Variants in RGS7 observed in about 807,000 individuals in gnomAD.
RGS7 encodes the protein regulator of G protein signaling 7.
Under a neutral mutation model 81.1 loss-of-function variants are expected in RGS7, and 27 were observed. The ratio of observed to expected loss-of-function variants is 0.33; its 90% CI spans 0.25 to 0.46. The LOEUF (loss-of-function observed/expected upper bound fraction) is 0.46. Among genes scored for constraint, RGS7 ranks in the 20% least tolerant of loss-of-function variants. RGS7 has a pLI of 1.00. For synonymous variants in RGS7, 208 were observed against 207.7 expected, an observed-to-expected ratio of 1.00 and a Z score of -0.01; for missense variants, 396 against 607.4, an observed-to-expected ratio of 0.65 and a Z score of 3.66.
rs142299677 is a variant in RGS7 at position 241,308,746 on chromosome 1, G to A, written c.78+46953C>T. On this transcript the variant is annotated intron_variant, in intron 2 of 18. Coordinates refer to ENST00000440928, the MANE Select transcript of RGS7 (RefSeq NM_001364886.1). ...ACTTACAGTGAGTCTACTGTGCGGG[G>A]GGCCCTCTTAGCTTAATATACACAG... Among the ~76,000 whole-genome samples the A allele has an allele frequency of 1.6e-4, 25 of 152,220 alleles. No homozygotes were observed. In the East Asian group the frequency reaches 4.8e-3, roughly 29 times the overall value.
chr1:240,827,015 T>A, intron 10 of RGS7, 83 bp downstream of exon 10: 1 of 1,099,206 alleles, frequency 9.1e-7, no homozygotes, highest in Admixed American at 1.7e-5. Context: ...CTGCATGACA[T>A]GAGAAGAAAG....
intron 2 of RGS7, among the ~76,000 whole-genome samples, chr1:241,178,438 G>A (rs2071340277): frequency 6.6e-6 from 1 of 152,184 alleles, no homozygotes; most frequent in African/African-American, 2.4e-5. Flanking sequence ...ATCACTCAGG[G>A]AGAGATTAAA....
At chr1:241,142,433 CT>C (rs2067995658) in intron 2 of RGS7, among the ~76,000 whole-genome samples, 1 of 152,238 alleles carries the variant, frequency 6.6e-6, no homozygotes, top group African/African-American at 2.4e-5. Context: ...CATACATCTT[CT>C]GAAATCCACG....
At chr1:240,977,091 TACACACACACACACACACACACAC>T (rs60732630) in intron 4 of RGS7, among the ~76,000 whole-genome samples, 9 of 133,814 alleles carry the variant, frequency 6.7e-5, no homozygotes, top group East Asian at 2.2e-4. Context: ...TATCCATCTG[TACACACACACACACACACACACAC>T]ACACACACAC....
intron 3 of RGS7, among the ~76,000 whole-genome samples, chr1:240,990,422 G>A (rs1003656989): frequency 1.6e-4 from 24 of 152,122 alleles, no homozygotes; most frequent in Admixed American, 1.3e-4. Context: ...TTATAGTCCC[G>A]TAAAGCAGAG....
intron 2 of RGS7, among the ~76,000 whole-genome samples, chr1:241,220,310 C>T (rs2074817886): frequency 6.6e-6 from 1 of 152,144 alleles, no homozygotes; most frequent in South Asian, 2.1e-4. Context: ...TAATTATTAG[C>T]CCTGGTTGCA....
In RGS7 at chr1:240,868,117, G is replaced by GGAAA. The variant is rs71172654; in HGVS notation, c.609+466_609+469dup. Among the ~76,000 whole-genome samples the GGAAA allele has an allele frequency of 0.08, 9,766 of 122,340 alleles. 389 individuals carry two copies. Among genetic ancestry groups the GGAAA allele is most frequent in the East Asian group, 0.11 (513 of 4,478 alleles). The allele number at this position is 122,340 out of a possible 152,430, so 80.3% of individuals were successfully genotyped here. A position where few individuals can be genotyped will look rare whatever the true frequency, so the allele number is the denominator to read the frequency against. On this transcript the variant is annotated intron_variant, in intron 9 of 18. Coordinates refer to ENST00000440928, the MANE Select transcript of RGS7 (RefSeq NM_001364886.1). This position sits in a 1 kb window ranked among gnomAD's most constrained non-coding sequence, Gnocchi z 5.1. ...GAAAAGAAAAAGAAAGAAAAGAAAA[G>GGAAA]GAAAGAAAGAAAGAAAGAAAGAAAG...
intron 2 of RGS7, among the ~76,000 whole-genome samples, chr1:241,329,073 T>C (rs896477167): frequency 1.3e-5 from 2 of 152,204 alleles, no homozygotes; most frequent in African/African-American, 2.4e-5. Flanking sequence ...ATGCACTTGG[T>C]AGGTTTCCAT....
At chr1:240,875,381 G>A (rs1665221038) in intron 6 of RGS7, among the ~76,000 whole-genome samples, 1 of 152,180 alleles carries the variant, frequency 6.6e-6, no homozygotes, top group Non-Finnish European at 1.5e-5. Flanking sequence ...TTTAAAGGCT[G>A]AATAGTATTT....
intron 2 of RGS7, among the ~76,000 whole-genome samples, chr1:241,351,879 G>A (rs1431156690): frequency 6.6e-6 from 1 of 152,162 alleles, no homozygotes; most frequent in East Asian, 1.9e-4. Context: ...AATGATAGCT[G>A]CAATAATATC....
chr1:241,224,135 T>C (rs994323845), intron 2 of RGS7, among the ~76,000 whole-genome samples: 3 of 152,086 alleles, frequency 2.0e-5, no homozygotes, highest in Non-Finnish European at 2.9e-5. Flanking sequence ...CTGGGGTACA[T>C]GTGCAGAACA....
At chr1:241,330,522 C>G (rs998767409) in intron 2 of RGS7, among the ~76,000 whole-genome samples, 10 of 152,184 alleles carry the variant, frequency 6.6e-5, no homozygotes, top group African/African-American at 2.2e-4. Flanking sequence ...CCTTTGACTG[C>G]AAGCTCAGTG....
chr1:241,237,605 T>A lies in RGS7; in HGVS notation c.78+118094A>T, dbSNP rs534061442. 1.4e-4 allele frequency among the ~76,000 whole-genome samples: 21 copies of A among 152,328 alleles called. No homozygotes were observed. The South Asian group carries it at 4.4e-3, about 32-fold the overall frequency. ...GTAAAAGTTTTACTGAAGGACTTAA[T>A]TTTTAAAATTAAGCCATTTAATTTA... On this transcript the variant is annotated intron_variant, in intron 2 of 18. Coordinates refer to ENST00000440928, the MANE Select transcript of RGS7 (RefSeq NM_001364886.1).
At chr1:240,943,941 T>A (rs1050076889) in intron 4 of RGS7, among the ~76,000 whole-genome samples, 2 of 151,968 alleles carry the variant, frequency 1.3e-5, no homozygotes, top group Non-Finnish European at 2.9e-5. Flanking sequence ...AATATTTGCC[T>A]AGGACTAAAA....
intron 6 of RGS7, among the ~76,000 whole-genome samples, chr1:240,912,207 T>C (rs1264393617): frequency 7.3e-6 from 1 of 137,208 alleles, no homozygotes; most frequent in Non-Finnish European, 1.6e-5. Flanking sequence ...AATCAGATAA[T>C]GTATGTAAAG....
intron 18 of RGS7, among the ~76,000 whole-genome samples, chr1:240,782,813 C>T (rs1025365072): frequency 2.0e-5 from 3 of 152,126 alleles, no homozygotes; most frequent in Non-Finnish European, 4.4e-5. Flanking sequence ...TTTTAAAAAA[C>T]GAAATTGCTT....
rs1056966853 is a variant in RGS7 at position 241,251,922 on chromosome 1, C to A, written c.78+103777G>T. Among the ~76,000 whole-genome samples the A allele has an allele frequency of 1.5e-4, 23 of 152,208 alleles. 1 individual carries two copies. The highest frequency in any genetic ancestry group is 5.3e-4 in the African/African-American group (22 of 41,544). Reference sequence around the variant, plus strand: ...GGAGCTCTGTAAAGAGTAAAACAGCCCTCCGCAGCCACACACAGATTTGCA... The same window carrying A: ...GGAGCTCTGTAAAGAGTAAAACAGCACTCCGCAGCCACACACAGATTTGCA... On this transcript the variant is annotated intron_variant, in intron 2 of 18. Coordinates refer to ENST00000440928, the MANE Select transcript of RGS7 (RefSeq NM_001364886.1).
chr1:241,310,128 C>G (rs770026765), intron 2 of RGS7, among the ~76,000 whole-genome samples: 7 of 152,164 alleles, frequency 4.6e-5, no homozygotes, highest in African/African-American at 7.2e-5. Flanking sequence ...AGGAAGACAA[C>G]ATGTTTGCTA....
At chr1:240,780,439 C>T (rs1410203927) in intron 18 of RGS7, among the ~76,000 whole-genome samples, 1 of 40,204 alleles carries the variant, frequency 2.5e-5, no homozygotes, top group Non-Finnish European at 5.6e-5. Context: ...GACTCTGTCT[C>T]AAAAAAAAAA....
Sources: allele counts gnomAD v4.1 joint callset (sites outside exome capture counted in the v4.1 genomes callset), GRCh38; gene constraint gnomAD v4.1.1; non-coding constraint Gnocchi (gnomAD v3.1); transcripts MANE v1.5; gene names NCBI Gene and HGNC (gene_info 2026-07-23, HGNC 2026-07-21).